Variants in WWP2 observed in about 807,000 individuals in gnomAD.
WWP2 encodes the protein WW domain containing E3 ubiquitin protein ligase 2.
Under a neutral mutation model 121.0 loss-of-function variants are expected in WWP2, and 57 were observed. The observed-to-expected ratio is 0.47, with a 90% confidence interval of 0.38 to 0.59. The LOEUF (loss-of-function observed/expected upper bound fraction) is 0.59, where lower values mean the gene tolerates loss of function less well. Among genes scored for constraint, WWP2 ranks in the 20% least tolerant of loss-of-function variants. The pLI is 0.00. For missense variants in WWP2, 962 were observed against 1,158.9 expected (o/e 0.83, Z 2.47); for synonymous variants, 449 against 441.3 (o/e 1.02, Z -0.22).
intron 8 of WWP2, among the ~76,000 whole-genome samples, chr16:69,900,369 T>A (rs950319273): frequency 1.3e-5 from 2 of 152,170 alleles, no homozygotes; most frequent in African/African-American, 4.8e-5. Flanking sequence ...GGCTCACGCC[T>A]GTAATCCCAG....
At chr16:69,858,715 A>G (rs2057364159) in intron 6 of WWP2, among the ~76,000 whole-genome samples, 4 of 152,230 alleles carry the variant, frequency 2.6e-5, no homozygotes, top group Admixed American at 2.6e-4. Context: ...GAATTGACAC[A>G]TAAATAAGTC....
intron 10 of WWP2, among the ~76,000 whole-genome samples, chr16:69,918,682 A>G (rs2058510921): frequency 6.6e-6 from 1 of 152,164 alleles, no homozygotes; most frequent in Non-Finnish European, 1.5e-5. Flanking sequence ...AGCAGCCTCT[A>G]AATTGTTCTC....
chr16:69,902,630 G>T (rs1274464586), intron 8 of WWP2, among the ~76,000 whole-genome samples: 1 of 152,160 alleles, frequency 6.6e-6, no homozygotes, highest in African/African-American at 2.4e-5. Flanking sequence ...GAGACCCGTG[G>T]GTAGTTTGAT....
At chr16:69,769,056 C>T (rs1253281317) in intron 1 of WWP2, among the ~76,000 whole-genome samples, 1 of 152,132 alleles carries the variant, frequency 6.6e-6, no homozygotes, top group Non-Finnish European at 1.5e-5. Flanking sequence ...CAGTGGCTCA[C>T]GCCTGTAATC....
At chr16:69,791,270 G>A (rs1027267612) in intron 2 of WWP2, among the ~76,000 whole-genome samples, 2 of 149,494 alleles carry the variant, frequency 1.3e-5, no homozygotes, top group East Asian at 2.0e-4. Flanking sequence ...CTCTATCGCC[G>A]AGGCTGGAGT....
chr16:69,924,951 G>C, intron 10 of WWP2: 1 of 987,754 alleles, frequency 1.0e-6, no homozygotes, highest in Non-Finnish European at 1.2e-6. Flanking sequence ...GGCAGGGCTT[G>C]TGGGAATGAT....
At chr16:69,930,028 G>A (rs1226114090) in intron 12 of WWP2, 102 bp from the exon 13 acceptor site, 9 of 1,539,502 alleles carry the variant, frequency 5.8e-6, no homozygotes, top group Non-Finnish European at 7.1e-6. Context: ...AGTCCCTCAT[G>A]GGCTCTGCAG....
rs190939718 is a variant in WWP2, at chr16:69,906,111, C to T, written c.915-2650C>T. Reference sequence around the variant, plus strand: ...TTTTTGAGACGGAGTCTTGCTCTGTCGCCCAGACTGGAGTGCAGTGGTGCG... The same window carrying T: ...TTTTTGAGACGGAGTCTTGCTCTGTTGCCCAGACTGGAGTGCAGTGGTGCG... On this transcript the variant is annotated intron_variant, in intron 8 of 23. Transcript: ENST00000359154. 1.6e-3 allele frequency among the ~76,000 whole-genome samples: 237 copies of T among 150,712 alleles called. 2 individuals carry two copies. Among genetic ancestry groups the T allele is most frequent in the Admixed American group, 3.7e-3 (56 of 15,074 alleles).
chr16:69,763,010 C>T (rs956772839), intron 1 of WWP2, among the ~76,000 whole-genome samples: 2 of 152,052 alleles, frequency 1.3e-5, no homozygotes, highest in African/African-American at 4.8e-5. Flanking sequence ...CCCTTCAGCT[C>T]ATTTTTCTTT....
intron 9 of WWP2, among the ~76,000 whole-genome samples, chr16:69,916,973 G>C (rs908583553): frequency 4.6e-5 from 7 of 152,176 alleles, no homozygotes; most frequent in South Asian, 4.1e-4. Flanking sequence ...AGACCAGTCT[G>C]GGCAACATGG....
intron 9 of WWP2, among the ~76,000 whole-genome samples, chr16:69,913,014 T>C (rs2058423128): frequency 1.9e-4 from 1 of 5,370 alleles, no homozygotes; most frequent in Non-Finnish European, 3.2e-4. Flanking sequence ...TTTTTTTTTT[T>C]TTTTTTTTTT....
chr16:69,799,073 G>A lies in WWP2; in HGVS notation c.219-101G>A. 1.3e-6 allele frequency: 2 copies of A among 1,521,946 alleles called. No homozygotes were observed. Among genetic ancestry groups the A allele is most frequent in the South Asian group, 1.3e-5 (1 of 76,256 alleles). 94.3% of individuals were successfully genotyped at this position (1,521,946 alleles called of 1,614,324 possible). ...TATATGTGGGTGTCTGCCTGTTTTGGTTCCCCCTCCCCAAGATGTCAGCAG... is the reference window on the plus strand; with the variant it reads ...TATATGTGGGTGTCTGCCTGTTTTGATTCCCCCTCCCCAAGATGTCAGCAG... On this transcript the variant is annotated intron_variant, in intron 3 of 23. Transcript: ENST00000359154. The surrounding 1 kb of genome is among the most constrained non-coding windows in gnomAD (Gnocchi z 4.5).
intron 8 of WWP2, among the ~76,000 whole-genome samples, chr16:69,897,383 G>A (rs2058121866): frequency 6.6e-6 from 1 of 152,104 alleles, no homozygotes; most frequent in African/African-American, 2.4e-5. Context: ...GGTTACAGGT[G>A]TGAGTCACTG....
intron 4 of WWP2, among the ~76,000 whole-genome samples, chr16:69,808,821 C>T (rs1031844175): frequency 6.6e-6 from 1 of 152,194 alleles, no homozygotes; most frequent in Non-Finnish European, 1.5e-5. Flanking sequence ...TCATGAACAA[C>T]GCTGACATAA....
At chr16:69,782,207 C>T (rs959275928) in intron 1 of WWP2, among the ~76,000 whole-genome samples, 2 of 152,072 alleles carry the variant, frequency 1.3e-5, no homozygotes, top group Admixed American at 6.6e-5. Flanking sequence ...CTCTTGAACC[C>T]GGGAGGCAGA....
At chr16:69,825,424 C>A (rs1289977159) in intron 4 of WWP2, among the ~76,000 whole-genome samples, 69 of 131,684 alleles carry the variant, frequency 5.2e-4, no homozygotes, top group Admixed American at 6.1e-4. Context: ...ATTCCATCTC[C>A]AAAAAAAAAA....
At chr16:69,895,362 T>C (rs1384624198) in intron 8 of WWP2, among the ~76,000 whole-genome samples, 1 of 152,242 alleles carries the variant, frequency 6.6e-6, no homozygotes, top group Non-Finnish European at 1.5e-5. Flanking sequence ...TGTTTTGTTT[T>C]AATTTATTTT....
chr16:69,889,230 G>T (rs1417744679), intron 8 of WWP2, among the ~76,000 whole-genome samples: 1 of 152,314 alleles, frequency 6.6e-6, no homozygotes, highest in East Asian at 1.9e-4. Flanking sequence ...GGAGGCCAAG[G>T]TGGGAGGATT....
chr16:69,818,514 C>T (rs893241760), intron 4 of WWP2, among the ~76,000 whole-genome samples: 2 of 152,142 alleles, frequency 1.3e-5, no homozygotes, highest in Non-Finnish European at 2.9e-5. Context: ...ACCTCCTTTT[C>T]TTCTTGAGGA....
Sources: allele counts gnomAD v4.1 joint callset (sites outside exome capture counted in the v4.1 genomes callset), GRCh38; gene constraint gnomAD v4.1.1; non-coding constraint Gnocchi (gnomAD v3.1); transcripts MANE v1.5; gene names NCBI Gene and HGNC (gene_info 2026-07-23, HGNC 2026-07-21).